Variants in MON2 observed in about 807,000 individuals in gnomAD.
MON2 encodes the protein protein MON2 homolog.
MON2 carries 84 observed loss-of-function variants against 208.6 expected under a neutral mutation model. The observed-to-expected ratio is 0.40, with a 90% CI of 0.34 to 0.48. MON2 has a LOEUF of 0.48. Ranked by LOEUF, MON2 falls within the 20% of genes least tolerant of loss-of-function variation. The probability of loss-of-function intolerance (pLI) is 0.59; values close to 1 mark genes in which losing one functional copy is unlikely to be tolerated. For synonymous variants in MON2, 660 were observed against 694.0 expected (o/e 0.95, Z 0.77); for missense variants, 1,611 against 2,015.4 (o/e 0.80, Z 3.84).
intron 20 of MON2, 77 bp downstream of exon 20, chr12:62,543,275 T>A: frequency 1.4e-6 from 1 of 732,420 alleles, no homozygotes; most frequent in Non-Finnish European, 2.0e-6. Flanking sequence ...AAATAGCCAT[T>A]TGAAAAATCA....
At chr12:62,484,513 C>T (rs2069643962) in intron 2 of MON2, among the ~76,000 whole-genome samples, 1 of 152,176 alleles carries the variant, frequency 6.6e-6, no homozygotes, top group South Asian at 2.1e-4. Flanking sequence ...GCATTCTCCT[C>T]CACTTCCTGC....
In MON2 at chr12:62,560,798, A is replaced by G. The variant is rs148729903; in HGVS notation, c.3717A>G (p.Leu1239=). 48 of 1,614,150 alleles carry G rather than the reference A, an allele frequency of 3.0e-5. No homozygotes were observed. The African/African-American group carries it at 3.7e-4, about 13-fold the overall frequency. ...IVTDELEDLN[L]WWAAWNTWYR... ...CTGATGAGCTTGAAGATTTGAATCT[A>G]TGGTGGGCTGCGTGGAATACCTGGT... Residue 1239 remains leucine (L), a synonymous_variant, in exon 26 of 35, where the codon CTA becomes CTG. Coordinates refer to ENST00000393630, the MANE Select transcript of MON2 (RefSeq NM_015026.3).
At chr12:62,519,616 ATGTC>A (rs893239759) in intron 8 of MON2, among the ~76,000 whole-genome samples, 3 of 152,198 alleles carry the variant, frequency 2.0e-5, no homozygotes, top group African/African-American at 7.2e-5. Context: ...AATGTCTTGA[ATGTC>A]TGGCTTAATA....
chr12:62,511,765 A>T (rs1357453655), intron 8 of MON2, among the ~76,000 whole-genome samples: 1 of 152,246 alleles, frequency 6.6e-6, no homozygotes, highest in African/African-American at 2.4e-5. Context: ...GACAAATGGA[A>T]CTGCATCAAA....
chr12:62,517,561 TAGAA>T (rs2071767999), intron 8 of MON2, among the ~76,000 whole-genome samples: 1 of 152,164 alleles, frequency 6.6e-6, no homozygotes. Context: ...AGTTCCCTCA[TAGAA>T]AGACACCAGA....
chr12:62,508,273 TCC>T lies in MON2; in HGVS notation c.790-12_790-11del. On this transcript the variant is annotated splice_polypyrimidine_tract_variant and intron_variant, in intron 7 of 34. Coordinates refer to ENST00000393630, the MANE Select transcript of MON2 (RefSeq NM_015026.3). ...GTTAATTATTTTTTTCTTTCTTTTT[TCC>T]TTGCAAATAGCACCAAGAATTTAGT... 6.3e-7 allele frequency: 1 copy of T among 1,596,020 alleles called. No individual in the cohort carries two copies. The highest frequency in any genetic ancestry group is 1.7e-5 in the Admixed American group (1 of 57,420).
intron 21 of MON2, 111 bp downstream of exon 21, chr12:62,545,119 T>C (rs1231245497): frequency 4.9e-6 from 3 of 614,584 alleles, no homozygotes; most frequent in Non-Finnish European, 8.0e-6. Flanking sequence ...GGTTTTTAAC[T>C]TAATATTCTA....
At chr12:62,515,887 A>G (rs1181114496) in intron 8 of MON2, among the ~76,000 whole-genome samples, 4 of 152,146 alleles carry the variant, frequency 2.6e-5, no homozygotes, top group Non-Finnish European at 4.4e-5. Context: ...TCAACTGTAC[A>G]CGTAAATATT....
chr12:62,585,102 CACACACACAAAACAAAA>C (rs1388391607), intron 32 of MON2, among the ~76,000 whole-genome samples, 175 bp from the exon 33 acceptor site: 3 of 49,588 alleles, frequency 6.0e-5, no homozygotes, highest in Admixed American at 1.6e-4. Context: ...CACACACACA[CACACACACAAAACAAAA>C]AAAAACAAAA....
chr12:62,567,530 C>G (rs1243271018), intron 29 of MON2, among the ~76,000 whole-genome samples: 1 of 152,156 alleles, frequency 6.6e-6, no homozygotes, highest in Non-Finnish European at 1.5e-5. Context: ...ATCCTCAGTC[C>G]TTCTCTAATG....
chr12:62,477,760 C>T (rs1485707492), intron 1 of MON2, among the ~76,000 whole-genome samples: 1 of 152,190 alleles, frequency 6.6e-6, no homozygotes, highest in Admixed American at 6.5e-5. Context: ...CCCACCTCAC[C>T]TCCATTCCTG....
intron 27 of MON2, 125 bp from the exon 28 acceptor site, chr12:62,565,889 G>A: frequency 2.6e-6 from 2 of 783,334 alleles, no homozygotes; most frequent in Non-Finnish European, 3.9e-6. Flanking sequence ...ATTTCTGAAT[G>A]CATGCCCATG....
intron 1 of MON2, among the ~76,000 whole-genome samples, chr12:62,476,736 C>G (rs932481117): frequency 1.3e-5 from 2 of 152,116 alleles, no homozygotes; most frequent in African/African-American, 4.8e-5. Context: ...CATGCCCAGC[C>G]TCACATTTCT....
rs1372915031 is a variant in MON2, at chr12:62,543,004, G to A, written c.2365-93G>A. On this transcript the variant is annotated intron_variant, in intron 19 of 34. Transcript: ENST00000393630. ...TACTAACCACTCAATTTTAATTTCA[G>A]TCATGCTCTTCAGAGTATTCTCAGT... 6 of 660,212 alleles carry A rather than the reference G, an allele frequency of 9.1e-6. No individual in the cohort carries two copies. In the East Asian group the frequency reaches 1.6e-4, roughly 17 times the overall value. The allele number at this position is 660,212 out of a possible 1,614,324, so 40.9% of individuals were successfully genotyped here.
In MON2 at chr12:62,593,264, CA is replaced by C. The variant is rs1565724602; in HGVS notation, c.*516del. The C allele has an allele frequency of 6.6e-6, 1 of 152,668 alleles. No homozygotes were observed. The highest frequency in any genetic ancestry group is 2.4e-5 in the African/African-American group (1 of 41,410). 9.5% of individuals were successfully genotyped at this position (152,668 alleles called of 1,614,324 possible). A position where few individuals can be genotyped will look rare whatever the true frequency, so the allele number is the denominator to read the frequency against. On this transcript the variant is annotated 3_prime_UTR_variant, in exon 35 of 35. Coordinates refer to ENST00000393630, the MANE Select transcript of MON2 (RefSeq NM_015026.3). ...ATACTTGTGTGTATAATAAATGGTA[CA>C]GTTCTGTATAAAATAGTGCATTTAT... is the stretch of plus-strand genomic sequence containing the variant.
intron 29 of MON2, 40 bp from the exon 30 acceptor site, chr12:62,571,352 G>T (rs1430425207): frequency 1.5e-6 from 2 of 1,367,954 alleles, no homozygotes; most frequent in African/African-American, 1.5e-5. Context: ...GTGTGTGTAT[G>T]TTTTAATTAA....
At position 62,507,580 on chromosome 12, in the gene MON2, A is replaced by G. The variant is rs533860598; in HGVS notation, c.790-706A>G. Among the ~76,000 whole-genome samples, 6 of 151,702 alleles carry G rather than the reference A, an allele frequency of 4.0e-5. No homozygotes were observed. In the South Asian group the frequency reaches 1.2e-3, roughly 32 times the overall value. Reference sequence around the variant, plus strand: ...GCAATCCTCCCATCTCAGCCTCCCAAAGTGCTAAGATTCCAGGCCTGAGCC... The same window carrying G: ...GCAATCCTCCCATCTCAGCCTCCCAGAGTGCTAAGATTCCAGGCCTGAGCC... On this transcript the variant is annotated intron_variant, in intron 7 of 34. Transcript: ENST00000393630.
intron 9 of MON2, 52 bp from the exon 10 acceptor site, chr12:62,525,032 T>C: frequency 6.7e-7 from 1 of 1,481,494 alleles, no homozygotes; most frequent in Non-Finnish European, 9.3e-7. Flanking sequence ...AGGTTTACAG[T>C]TTTTAATATA....
chr12:62,581,798 C>T (rs1219509122), intron 32 of MON2, among the ~76,000 whole-genome samples: 8 of 152,132 alleles, frequency 5.3e-5, no homozygotes, highest in African/African-American at 1.9e-4. Context: ...CTACTGCACT[C>T]CAGCCTGGGC....
Sources: allele counts gnomAD v4.1 joint callset (sites outside exome capture counted in the v4.1 genomes callset), GRCh38; gene constraint gnomAD v4.1.1; transcripts MANE v1.5; gene names NCBI Gene and HGNC (gene_info 2026-07-23, HGNC 2026-07-21).